Variants in DENND1B observed in about 807,000 individuals in gnomAD.
The protein encoded by DENND1B is DENN domain-containing protein 1B.
A neutral mutation model predicts 90.1 loss-of-function variants in DENND1B; 59 were observed. The ratio of observed to expected loss-of-function variants is 0.65; its 90% CI spans 0.53 to 0.81. The LOEUF is 0.81. Among genes scored for constraint, DENND1B ranks in the 40% least tolerant of loss-of-function variants. DENND1B has a pLI of 0.00. For synonymous variants in DENND1B, 337 were observed against 324.6 expected (o/e 1.04, Z -0.41); for missense variants, 862 against 912.6 (o/e 0.94, Z 0.71).
chr1:197,579,750 A>G (rs928962547), intron 15 of DENND1B, among the ~76,000 whole-genome samples: 2 of 152,118 alleles, frequency 1.3e-5, no homozygotes, highest in Non-Finnish European at 2.9e-5. Context: ...TCTTTTTCAA[A>G]TATATCTTCA....
chr1:197,548,179 A>AT (rs1167289484), intron 16 of DENND1B, among the ~76,000 whole-genome samples: 1 of 152,216 alleles, frequency 6.6e-6, no homozygotes, highest in Non-Finnish European at 1.5e-5. Flanking sequence ...ACTATGAGGA[A>AT]TTTAAAAAAG....
intron 3 of DENND1B, among the ~76,000 whole-genome samples, chr1:197,704,630 A>T (rs898145309): frequency 3.3e-5 from 5 of 152,218 alleles, no homozygotes; most frequent in Admixed American, 6.5e-5. Flanking sequence ...TCAATTGCCA[A>T]AAGAAGGAAA....
At chr1:197,642,981 A>G (rs1339915567) in intron 9 of DENND1B, among the ~76,000 whole-genome samples, 160 bp from the exon 10 acceptor site, 1 of 107,824 alleles carries the variant, frequency 9.3e-6, no homozygotes, top group Non-Finnish European at 2.3e-5. Context: ...GCTGCCACAT[A>G]AAGTACATAA....
chr1:197,635,974 TAAAAAAAAA>T (rs529170463), intron 10 of DENND1B, among the ~76,000 whole-genome samples: 1 of 138,128 alleles, frequency 7.2e-6, no homozygotes, highest in African/African-American at 2.7e-5. Context: ...TGAACAAGAT[TAAAAAAAAA>T]AAAGAAAGAA....
chr1:197,694,728 T>A (rs191373574), intron 3 of DENND1B, among the ~76,000 whole-genome samples: 2 of 151,470 alleles, frequency 1.3e-5, no homozygotes, highest in African/African-American at 4.8e-5. Context: ...TTAATTTCTA[T>A]AGATTGCTGC....
chr1:197,679,948 G>A lies in DENND1B; in HGVS notation c.127-5779C>T, dbSNP rs1021673642. 3.3e-5 allele frequency among the ~76,000 whole-genome samples: 5 copies of A among 150,918 alleles called. No individual in the cohort carries two copies. The East Asian group carries it at 7.8e-4, about 24-fold the overall frequency. ...GCGGATTGCTTGAGCCAAGGAGTTC[G>A]AGACCAGCCTGGGCAACATGGTGAA... On this transcript the variant is annotated intron_variant, in intron 3 of 22. Transcript: ENST00000620048.
intron 2 of DENND1B, among the ~76,000 whole-genome samples, chr1:197,728,123 G>A (rs1032504454): frequency 6.6e-6 from 1 of 151,992 alleles, no homozygotes; most frequent in African/African-American, 2.4e-5. Context: ...GATTATCTAA[G>A]GAAGATCATT....
At chr1:197,582,685 CTTA>C (rs980812223) in intron 15 of DENND1B, among the ~76,000 whole-genome samples, 1 of 152,102 alleles carries the variant, frequency 6.6e-6, no homozygotes, top group Non-Finnish European at 1.5e-5. Flanking sequence ...AACTATGAGT[CTTA>C]TTATTAATTC....
At chr1:197,529,987 G>T (rs1669505844) in intron 20 of DENND1B, among the ~76,000 whole-genome samples, 1 of 152,116 alleles carries the variant, frequency 6.6e-6, no homozygotes, top group South Asian at 2.1e-4. Flanking sequence ...TACACAAAAG[G>T]GAAAAGGGTT....
chr1:197,747,225 C>T lies in DENND1B; in HGVS notation c.82+25643G>A, dbSNP rs75628376. On this transcript the variant is annotated intron_variant, in intron 2 of 22. Coordinates refer to ENST00000620048, the MANE Select transcript of DENND1B (RefSeq NM_001195215.2). Reference sequence around the variant, plus strand: ...TATGCAATTCTTGAAATATATTCTACATATCTAGGGGAATTCCAGAAGGAC... The same window carrying T: ...TATGCAATTCTTGAAATATATTCTATATATCTAGGGGAATTCCAGAAGGAC... 1.3e-3 allele frequency: 878 copies of T among 677,634 alleles called. 5 individuals carry two copies. The African/African-American group carries it at 0.014, about 11-fold the overall frequency. The allele number at this position is 677,634 out of a possible 1,614,324, so 42.0% of individuals were successfully genotyped here.
intron 11 of DENND1B, among the ~76,000 whole-genome samples, chr1:197,615,731 G>C (rs929848717): frequency 6.6e-6 from 1 of 150,710 alleles, no homozygotes; most frequent in Non-Finnish European, 1.5e-5. Flanking sequence ...ATATTACTCC[G>C]TTCCTATGAT....
chr1:197,664,932 C>A (rs905173041), intron 5 of DENND1B, among the ~76,000 whole-genome samples: 4 of 152,036 alleles, frequency 2.6e-5, no homozygotes, highest in African/African-American at 9.6e-5. Context: ...CCCTTGGCGA[C>A]AATTTTATAG....
rs568779405 is a variant in DENND1B, at chr1:197,552,284, A to G, written c.1240+738T>C. 50 of 980,128 alleles carry G rather than the reference A, an allele frequency of 5.1e-5. No individual in the cohort carries two copies. In the Middle Eastern group the frequency reaches 4.2e-3, roughly 82 times the overall value. 60.7% of individuals were successfully genotyped at this position (980,128 alleles called of 1,614,324 possible). A position where few individuals can be genotyped will look rare whatever the true frequency, so the allele number is the denominator to read the frequency against. On this transcript the variant is annotated intron_variant, in intron 16 of 22. Coordinates refer to ENST00000620048, the MANE Select transcript of DENND1B (RefSeq NM_001195215.2). Reference sequence around the variant, plus strand: ...ATACAAGGATTTTTGTTTATTTAGTACACTTAATATTTAGAACAGTGCCTA... The same window carrying G: ...ATACAAGGATTTTTGTTTATTTAGTGCACTTAATATTTAGAACAGTGCCTA...
Position 197,609,903 on chromosome 1 carries a change from G to A in DENND1B, c.819+2028C>T, listed in dbSNP as rs1161522529. Reference sequence around the variant, plus strand: ...TTACATACTAAATATGTAAATAGCTGTATCAATATTTTAATTATGAGACCA... The same window carrying A: ...TTACATACTAAATATGTAAATAGCTATATCAATATTTTAATTATGAGACCA... On this transcript the variant is annotated intron_variant, in intron 12 of 22. Coordinates refer to ENST00000620048, the MANE Select transcript of DENND1B (RefSeq NM_001195215.2). Among the ~76,000 whole-genome samples the A allele has an allele frequency of 3.3e-5, 5 of 150,658 alleles. No individual in the cohort carries two copies. The East Asian group carries it at 5.9e-4, about 18-fold the overall frequency.
At chr1:197,588,032 G>A (rs1006546045) in intron 14 of DENND1B, among the ~76,000 whole-genome samples, 5 of 152,112 alleles carry the variant, frequency 3.3e-5, no homozygotes, top group African/African-American at 9.7e-5. Flanking sequence ...ATGGGGAGCG[G>A]CTGTAAATAC....
intron 2 of DENND1B, among the ~76,000 whole-genome samples, chr1:197,736,894 A>C (rs1662744879): frequency 6.6e-6 from 1 of 152,138 alleles, no homozygotes; most frequent in Non-Finnish European, 1.5e-5. Context: ...CTGAGTACAC[A>C]CCCAAGCATC....
At chr1:197,740,523 T>C (rs2102362332) in intron 2 of DENND1B, among the ~76,000 whole-genome samples, 1 of 152,308 alleles carries the variant, frequency 6.6e-6, no homozygotes, top group African/African-American at 2.4e-5. Context: ...TCTATTACTG[T>C]ATCGAATATG....
intron 20 of DENND1B, among the ~76,000 whole-genome samples, chr1:197,524,406 G>C (rs548439311): frequency 6.6e-6 from 1 of 152,154 alleles, no homozygotes; most frequent in Non-Finnish European, 1.5e-5. Flanking sequence ...TGAGGGCTAA[G>C]AGGATTAGAG....
intron 3 of DENND1B, among the ~76,000 whole-genome samples, chr1:197,709,922 T>G (rs1317821357): frequency 1.0e-5 from 1 of 96,622 alleles, no homozygotes; most frequent in Non-Finnish European, 2.0e-5. Context: ...AGGCAGGGGT[T>G]GCAATCCTAG....
Sources: gnomAD v4.1 joint callset for allele counts (sites outside exome capture counted in the v4.1 genomes callset) on GRCh38, gnomAD v4.1.1 for gene constraint, MANE v1.5 for transcripts, NCBI Gene and HGNC (gene_info 2026-07-23, HGNC 2026-07-21) for gene names.